ENTPD4: variants seen among roughly 807,000 people sequenced by gnomAD.
The protein encoded by ENTPD4 is ectonucleoside triphosphate diphosphohydrolase 4.
In ENTPD4, 60 loss-of-function variants were observed where a neutral mutation model predicts 79.1. That is an observed-to-expected ratio of 0.76 (90% CI 0.62 to 0.94). The LOEUF is 0.94. Ranked by LOEUF, ENTPD4 falls within the 40% of genes least tolerant of loss-of-function variation. The pLI is 0.00. For missense variants in ENTPD4, 772 were observed against 775.1 expected, an observed-to-expected ratio of 1.00 and a Z score of 0.05; for synonymous variants, 276 against 292.0, an observed-to-expected ratio of 0.95 and a Z score of 0.56.
chr8:23,432,832 G>C lies in ENTPD4; in HGVS notation c.*94C>G, dbSNP rs1368814557. ...TTTTTGTTTGGAGGAACAAAAAAGG[G>C]AAAGAAAAAACAAAACCACAGGAAA... On this transcript the variant is annotated 3_prime_UTR_variant, in exon 13 of 13. Coordinates refer to ENST00000358689, the MANE Select transcript of ENTPD4 (RefSeq NM_004901.5). 13 of 1,452,374 alleles carry C rather than the reference G, an allele frequency of 9.0e-6. No homozygotes were observed. Among genetic ancestry groups the C allele is most frequent in the Non-Finnish European group, 1.2e-5 (13 of 1,101,934 alleles). 90.0% of individuals were successfully genotyped at this position (1,452,374 alleles called of 1,614,324 possible).
rs199771798 is a variant in ENTPD4, at chr8:23,436,994, G to A, written c.1314C>T (p.Thr438=). The A allele has an allele frequency of 2.6e-5, 42 of 1,613,542 alleles. No homozygotes were observed. In the Admixed American group the frequency reaches 3.3e-4, roughly 13 times the overall value. ...CTCCCCCCATTCGTAACACATCCTCGGTGCAGTAGTAGAATTCGGAGAAGC... is the reference window on the plus strand; with the variant it reads ...CTCCCCCCATTCGTAACACATCCTCAGTGCAGTAGTAGAATTCGGAGAAGC... The part of the protein sequence containing the change: ...FYGFSEFYYC[T]EDVLRMGGDY... The change falls in exon 10 of 13, where the codon ACC becomes ACT. Residue 438 remains threonine, a synonymous_variant. Transcript: ENST00000358689.
In ENTPD4 at chr8:23,435,397, C is replaced by T. The variant is rs1800538986; in HGVS notation, c.1455G>A (p.Arg485=). Reference sequence around the variant, plus strand: ...CTTGACCTTCTAGTACTTACTTAAGCCTGTGGAGGTCAGCATGAGAGGCGT... The same window carrying T: ...CTTGACCTTCTAGTACTTACTTAAGTCTGTGGAGGTCAGCATGAGAGGCGT... ...GLYASHADLH[R]LKYQCFKSAW... The change falls in exon 11 of 13, where the codon AGG becomes AGA. Residue 485 remains arginine, a synonymous_variant. Coordinates refer to ENST00000358689, the MANE Select transcript of ENTPD4 (RefSeq NM_004901.5). 6.2e-7 allele frequency: 1 copy of T among 1,612,370 alleles called. No individual in the cohort carries two copies. Among genetic ancestry groups the T allele is most frequent in the Admixed American group, 1.7e-5 (1 of 59,994 alleles).
chr8:23,450,914 GC>G (rs1221099443), intron 1 of ENTPD4, among the ~76,000 whole-genome samples: 2 of 151,964 alleles, frequency 1.3e-5, no homozygotes, highest in Non-Finnish European at 2.9e-5. Flanking sequence ...AATCTGCTCT[GC>G]CCCCGCAGTC....
In ENTPD4 at chr8:23,429,666, T is replaced by TC; in HGVS notation, c.*3259_*3260insG. The stretch of plus-strand genomic sequence containing the variant: ...TCTGTTTATCCAGAGTTTGTTAATC[T>TC]AGAGTACACAGATGTGGAAAACTGG... On this transcript the variant is annotated 3_prime_UTR_variant, in exon 13 of 13. Transcript: ENST00000358689. The TC allele has an allele frequency of 1.0e-6, 1 of 985,380 alleles. No individual in the cohort carries two copies. Among genetic ancestry groups the TC allele is most frequent in the Non-Finnish European group, 1.2e-6 (1 of 829,868 alleles). 61.0% of individuals were successfully genotyped at this position (985,380 alleles called of 1,614,324 possible). A position where few individuals can be genotyped will look rare whatever the true frequency, so the allele number is the denominator to read the frequency against.
Position 23,457,587 on chromosome 8 carries a change from G to A in ENTPD4, c.-128C>T, listed in dbSNP as rs575756361. ...TGGCCGGCCGGGGACCCCGGGAGCG[G>A]GGGACCACCAGTGGGCAGCATCACG... On this transcript the variant is annotated 5_prime_UTR_variant, in exon 1 of 13. Transcript: ENST00000358689. The A allele has an allele frequency of 6.6e-6, 1 of 151,958 alleles. No homozygotes were observed. The highest frequency in any genetic ancestry group is 2.1e-4 in the South Asian group (1 of 4,828). The allele number at this position is 151,958 out of a possible 1,614,324, so 9.4% of individuals were successfully genotyped here. A position where few individuals can be genotyped will look rare whatever the true frequency, so the allele number is the denominator to read the frequency against.
rs17769774 is a variant in ENTPD4 at position 23,434,481 on chromosome 8, A to G, written c.1461-3T>C. The G allele has an allele frequency of 8.2e-3, 13,249 of 1,613,958 alleles. 88 individuals are homozygous for G. Among genetic ancestry groups the G allele is most frequent in the Non-Finnish European group, 9.0e-3 (10,613 of 1,179,884 alleles). ...AGGCCGATTTGAAGCACTGATACCT[A>G]CAAACGGCAAGCACAAAGGCAAGTC... On this transcript the variant is annotated splice_region_variant and splice_polypyrimidine_tract_variant and intron_variant, in intron 11 of 12. Coordinates refer to ENST00000358689, the MANE Select transcript of ENTPD4 (RefSeq NM_004901.5).
chr8:23,448,949 G>T lies in ENTPD4; in HGVS notation c.9-10C>A. 6.2e-7 allele frequency: 1 copy of T among 1,607,828 alleles called. No individual in the cohort carries two copies. Reference sequence around the variant, plus strand: ...ACAGGAGATGCCAATCCTGAAATTAGAAGGAAAAAGATTTTAAAGCAATCT... The same window carrying T: ...ACAGGAGATGCCAATCCTGAAATTATAAGGAAAAAGATTTTAAAGCAATCT... On this transcript the variant is annotated splice_polypyrimidine_tract_variant and intron_variant, in intron 2 of 12. Transcript: ENST00000358689.
At position 23,457,634 on chromosome 8, in the gene ENTPD4, C is replaced by G. The variant is rs1166539650; in HGVS notation, c.-175G>C. ...CACGGCCAGCCGGCTTCCTGGAGGCCGCGCTCCTTTCCTGGAGCCGCACCC... is the reference window on the plus strand; with the variant it reads ...CACGGCCAGCCGGCTTCCTGGAGGCGGCGCTCCTTTCCTGGAGCCGCACCC... On this transcript the variant is annotated 5_prime_UTR_variant, in exon 1 of 13. Coordinates refer to ENST00000358689, the MANE Select transcript of ENTPD4 (RefSeq NM_004901.5). 6.6e-6 allele frequency: 1 copy of G among 151,810 alleles called. No homozygotes were observed. Among genetic ancestry groups the G allele is most frequent in the Non-Finnish European group, 1.5e-5 (1 of 67,918 alleles). The allele number at this position is 151,810 out of a possible 1,614,324, so 9.4% of individuals were successfully genotyped here.
intron 6 of ENTPD4, among the ~76,000 whole-genome samples, chr8:23,443,280 A>AG (rs1800705911): frequency 6.6e-6 from 1 of 152,202 alleles, no homozygotes; most frequent in Non-Finnish European, 1.5e-5. Context: ...AATTGTCTGT[A>AG]AGCAGCTGAA....
intron 1 of ENTPD4, among the ~76,000 whole-genome samples, chr8:23,453,226 T>C (rs946175109): frequency 1.3e-5 from 2 of 152,212 alleles, no homozygotes; most frequent in Non-Finnish European, 2.9e-5. Context: ...TATTGTACCA[T>C]GTACCCCAAA....
At chr8:23,434,531 GCA>G (rs139348326) in intron 11 of ENTPD4, 53 bp from the exon 12 acceptor site, 39,939 of 1,036,672 alleles carry the variant, frequency 0.039, no homozygotes, top group East Asian at 0.072. Context: ...TGTCAAGATG[GCA>G]CACACACACA....
chr8:23,448,650 C>G (rs547647275), intron 3 of ENTPD4, 92 bp downstream of exon 3: 2 of 1,026,050 alleles, frequency 1.9e-6, no homozygotes, highest in African/African-American at 3.2e-5. Flanking sequence ...TTATAAGCCA[C>G]CCAGTCTATG....
intron 1 of ENTPD4, among the ~76,000 whole-genome samples, chr8:23,452,936 A>C (rs552555733): frequency 6.6e-6 from 1 of 152,322 alleles, no homozygotes; most frequent in African/African-American, 2.4e-5. Context: ...TTACATGACA[A>C]GCCCCACTAG....
intron 6 of ENTPD4, among the ~76,000 whole-genome samples, chr8:23,443,247 T>C (rs1356932215): frequency 2.0e-5 from 3 of 152,134 alleles, no homozygotes; most frequent in Non-Finnish European, 4.4e-5. Flanking sequence ...AAAACCCTCA[T>C]AGAACAGCTA....
rs1030294966 is a variant in ENTPD4, at chr8:23,444,388, G to A, written c.563+68C>T. On this transcript the variant is annotated intron_variant, in intron 5 of 12. Coordinates refer to ENST00000358689, the MANE Select transcript of ENTPD4 (RefSeq NM_004901.5). ...GATGATGGAGAGGAGAAGGAGGAAG[G>A]GGGAGAAGAACACCCCCTCTCCCCT... 18 of 1,353,144 alleles carry A rather than the reference G, an allele frequency of 1.3e-5. No homozygotes were observed. The Admixed American group carries it at 3.4e-4, about 25-fold the overall frequency. 83.8% of individuals were successfully genotyped at this position (1,353,144 alleles called of 1,614,324 possible).
rs768692126 is a variant in ENTPD4, at chr8:23,447,826, T to C, written c.266A>G (p.Tyr89Cys). ...ATDTNNPNVN[Y>C]GIVVDCGSSG... is the part of the protein sequence containing the mutation. ...GCTACCACAGTCCACCACGATCCCA[T>C]AGTTCACATTGGGGTTATTGGTGTC... Residue 89 changes from tyrosine to cysteine, a missense_variant, in exon 4 of 13, where the codon TAT becomes TGT. Physicochemically the swap from Tyr to Cys is radical, Grantham distance 194. Transcript: ENST00000358689. 2.5e-6 allele frequency: 4 copies of C among 1,614,166 alleles called. No homozygotes were observed. The highest frequency in any genetic ancestry group is 3.3e-5 in the Admixed American group (2 of 60,024).
At chr8:23,444,028 AAAC>A in intron 5 of ENTPD4, 75 bp from the exon 6 acceptor site, 1 of 1,018,696 alleles carries the variant, frequency 9.8e-7, no homozygotes, top group Non-Finnish European at 1.5e-6. Flanking sequence ...GGAAAAAAAT[AAAC>A]AAACAAAAAA....
chr8:23,450,167 G>A lies in ENTPD4; in HGVS notation c.-97-170C>T, dbSNP rs140208498. 2.6e-4 allele frequency among the ~76,000 whole-genome samples: 39 copies of A among 152,334 alleles called. 1 individual carries two copies. The East Asian group carries it at 6.6e-3, about 26-fold the overall frequency. On this transcript the variant is annotated intron_variant, in intron 1 of 12. Coordinates refer to ENST00000358689, the MANE Select transcript of ENTPD4 (RefSeq NM_004901.5). ...CACACTTCTAAGTTAATTTCATACTGTCCAATATAGACCTAAATCAAAAGA... is the reference window on the plus strand; with the variant it reads ...CACACTTCTAAGTTAATTTCATACTATCCAATATAGACCTAAATCAAAAGA...
At chr8:23,449,478 T>C (rs1346369420) in intron 2 of ENTPD4, among the ~76,000 whole-genome samples, 4 of 152,148 alleles carry the variant, frequency 2.6e-5, no homozygotes, top group Non-Finnish European at 5.9e-5. Context: ...ACTTGAGTAA[T>C]GGGAGAAAAC....
Sources: allele counts gnomAD v4.1 joint callset (sites outside exome capture counted in the v4.1 genomes callset), GRCh38; gene constraint gnomAD v4.1.1; transcripts MANE v1.5; gene names NCBI Gene and HGNC (gene_info 2026-07-23, HGNC 2026-07-21).